RPTOR: variants seen among roughly 807,000 people sequenced by gnomAD.
RPTOR encodes the protein regulatory-associated protein of mTOR.
Under a neutral mutation model 169.9 loss-of-function variants are expected in RPTOR, and 21 were observed. That is an observed-to-expected ratio of 0.12 (90% CI 0.09 to 0.18). The LOEUF is 0.18. RPTOR is among the 10% of genes least tolerant of loss of function. RPTOR has a pLI of 1.00. For synonymous variants in RPTOR, 732 were observed against 753.2 expected (o/e 0.97, Z 0.46); for missense variants, 1,133 against 1,855.9 (o/e 0.61, Z 7.16).
At chr17:80,904,131 C>T (rs1002255193) in intron 20 of RPTOR, among the ~76,000 whole-genome samples, 5 of 152,318 alleles carry the variant, frequency 3.3e-5, no homozygotes, top group East Asian at 1.9e-4. Context: ...CCCACGGCTC[C>T]GGCCGGCCCA....
intron 4 of RPTOR, among the ~76,000 whole-genome samples, chr17:80,719,047 G>A (rs1473263853): frequency 6.6e-6 from 1 of 152,202 alleles, no homozygotes; most frequent in Non-Finnish European, 1.5e-5. Context: ...CACCAGAAGC[G>A]AGAAGAAGGA....
At chr17:80,768,067 T>G (rs1045409393) in intron 6 of RPTOR, among the ~76,000 whole-genome samples, 7 of 152,194 alleles carry the variant, frequency 4.6e-5, no homozygotes, top group African/African-American at 1.7e-4. Flanking sequence ...TTTCACCATG[T>G]TAGCCAGGAT....
At position 80,877,717 on chromosome 17, in the gene RPTOR, G is replaced by A. The variant is rs1009520593; in HGVS notation, c.1510-2698G>A. Among the ~76,000 whole-genome samples, 5 of 152,252 alleles carry A rather than the reference G, an allele frequency of 3.3e-5. No homozygotes were observed. The East Asian group carries it at 5.8e-4, about 18-fold the overall frequency. On this transcript the variant is annotated intron_variant, in intron 13 of 33. Coordinates refer to ENST00000306801, the MANE Select transcript of RPTOR (RefSeq NM_020761.3). ...CTGAGTCTTTACGTGGACGGCGGTCGATGCATCTCAGTTTATTTGTCAAAA... is the reference window on the plus strand; with the variant it reads ...CTGAGTCTTTACGTGGACGGCGGTCAATGCATCTCAGTTTATTTGTCAAAA...
intron 3 of RPTOR, among the ~76,000 whole-genome samples, chr17:80,652,649 G>T (rs2065650080): frequency 6.6e-6 from 1 of 152,152 alleles, no homozygotes; most frequent in African/African-American, 2.4e-5. Context: ...TATTTTATGG[G>T]TTCATCTGTT....
chr17:80,918,796 G>T (rs563847215), intron 21 of RPTOR, among the ~76,000 whole-genome samples: 61 of 152,294 alleles, frequency 4.0e-4, no homozygotes, highest in African/African-American at 1.4e-3. Flanking sequence ...GTGCAGCGGG[G>T]GCTCCATACA....
chr17:80,766,116 T>A (rs2066784549), intron 6 of RPTOR, among the ~76,000 whole-genome samples: 2 of 152,088 alleles, frequency 1.3e-5, no homozygotes, highest in Non-Finnish European at 2.9e-5. Context: ...AGTGCAGTGG[T>A]GTGAACACGG....
chr17:80,924,662 C>T (rs1042711497), intron 23 of RPTOR, among the ~76,000 whole-genome samples: 15 of 151,960 alleles, frequency 9.9e-5, no homozygotes, highest in African/African-American at 3.6e-4. Flanking sequence ...CCCACCCGAC[C>T]CCCCGGGGTG....
chr17:80,609,542 C>T lies in RPTOR; in HGVS notation c.163-16149C>T, dbSNP rs548484471. On this transcript the variant is annotated intron_variant, in intron 1 of 33. Coordinates refer to ENST00000306801, the MANE Select transcript of RPTOR (RefSeq NM_020761.3). The surrounding 1 kb of genome is among the most constrained non-coding windows in gnomAD (Gnocchi z 4.8). ...GGGCAGATTATTTGAAGTCATAGTT[C>T]GAGACCAGCCTGGCCAACATGGTGA... Among the ~76,000 whole-genome samples, 5 of 152,194 alleles carry T rather than the reference C, an allele frequency of 3.3e-5. No homozygotes were observed. The East Asian group carries it at 7.7e-4, about 24-fold the overall frequency.
chr17:80,964,438 G>A lies in RPTOR; in HGVS notation c.*108G>A, dbSNP rs2069398789. 34 of 1,100,772 alleles carry A rather than the reference G, an allele frequency of 3.1e-5. No individual in the cohort carries two copies. In the South Asian group the frequency reaches 4.0e-4, roughly 13 times the overall value. 68.2% of individuals were successfully genotyped at this position (1,100,772 alleles called of 1,614,324 possible). ...GCTGCGGCCCCGCAGTGTGAACGTT[G>A]GCTGCTGCCTTAGCTGCTGATGACG... On this transcript the variant is annotated 3_prime_UTR_variant, in exon 34 of 34. Transcript: ENST00000306801.
intron 1 of RPTOR, among the ~76,000 whole-genome samples, chr17:80,554,793 T>A (rs9892155): frequency 0.055 from 8,242 of 150,476 alleles, 747 homozygotes; most frequent in African/African-American, 0.19. Context: ...ACAAAAAAAA[T>A]GAGAATCCAG....
Position 80,891,754 on chromosome 17 carries a change from A to G in RPTOR, c.2018A>G (p.Gln673Arg). 2 of 1,614,044 alleles carry G rather than the reference A, an allele frequency of 1.2e-6. No individual in the cohort carries two copies. Among genetic ancestry groups the G allele is most frequent in the Non-Finnish European group, 8.5e-7 (1 of 1,179,932 alleles). ...GTGGCTCTGAGTCATCTTGTGGTTC[A>G]GTATGAAAGCAATTTCTGCACCGTG... The part of the protein sequence containing the change: ...LVVALSHLVV[Q>R]YESNFCTVAL... Residue 673 changes from glutamine to arginine, a missense_variant, in exon 18 of 34, where the codon CAG (glutamine) becomes CGG (arginine). By Grantham distance (43) the Gln-to-Arg change is conservative. Transcript: ENST00000306801.
rs748456178 is a variant in RPTOR at position 80,688,847 on chromosome 17, G to A, written c.349-18994G>A. ...TTGGGGCTGCTGCCTGGCCCAGGCCGGCGCATGTTGGAACACAGACTCTCT... is the reference window on the plus strand; with the variant it reads ...TTGGGGCTGCTGCCTGGCCCAGGCCAGCGCATGTTGGAACACAGACTCTCT... On this transcript the variant is annotated intron_variant, in intron 3 of 33. Transcript: ENST00000306801. Among the ~76,000 whole-genome samples the A allele has an allele frequency of 3.9e-5, 6 of 152,258 alleles. No homozygotes were observed. The East Asian group carries it at 1.2e-3, about 29-fold the overall frequency.
At chr17:80,950,997 C>G (rs1015163901) in intron 28 of RPTOR, among the ~76,000 whole-genome samples, 17 of 152,330 alleles carry the variant, frequency 1.1e-4, no homozygotes, top group African/African-American at 3.6e-4. Flanking sequence ...AAGGCTCGGA[C>G]CTGCCGGAAA....
intron 3 of RPTOR, among the ~76,000 whole-genome samples, chr17:80,692,988 C>T (rs1406592317): frequency 2.6e-5 from 4 of 152,302 alleles, no homozygotes; most frequent in South Asian, 2.1e-4. Flanking sequence ...CATTTATATA[C>T]GCACACACGC....
chr17:80,858,041 G>A (rs2067874306), intron 13 of RPTOR, 141 bp downstream of exon 13: 3 of 709,866 alleles, frequency 4.2e-6, no homozygotes, highest in Non-Finnish European at 7.3e-6. Flanking sequence ...CTCTTCTGGG[G>A]TAAAGTGGGA....
At chr17:80,749,888 A>C (rs1386572780) in intron 5 of RPTOR, among the ~76,000 whole-genome samples, 1 of 151,948 alleles carries the variant, frequency 6.6e-6, no homozygotes, top group African/African-American at 2.4e-5. Context: ...GATTTTAAAC[A>C]ACTTTTTGTA....
rs934387751 is a variant in RPTOR at position 80,747,911 on chromosome 17, G to A, written c.655-6099G>A. ...AAGCTTGGCACAAATGGTTGGCAGC[G>A]ATGGAGGGACTGCAGTGTTTAGAGG... On this transcript the variant is annotated intron_variant, in intron 5 of 33. Transcript: ENST00000306801. 1.1e-4 allele frequency among the ~76,000 whole-genome samples: 16 copies of A among 152,378 alleles called. 1 individual carries two copies. Among genetic ancestry groups the A allele is most frequent in the East Asian group, 1.9e-4 (1 of 5,186 alleles).
chr17:80,680,892 C>G (rs1362456669), intron 3 of RPTOR, among the ~76,000 whole-genome samples: 1 of 152,156 alleles, frequency 6.6e-6, no homozygotes, highest in East Asian at 1.9e-4. Context: ...TGGACCCTCT[C>G]TAGACCCAGC....
At chr17:80,750,328 G>A (rs1419633452) in intron 5 of RPTOR, among the ~76,000 whole-genome samples, 3 of 151,992 alleles carry the variant, frequency 2.0e-5, no homozygotes, top group South Asian at 2.1e-4. Context: ...CCATTCTTAC[G>A]TGGCCAGTGG....
Sources: allele counts gnomAD v4.1 joint callset (sites outside exome capture counted in the v4.1 genomes callset), GRCh38; gene constraint gnomAD v4.1.1; non-coding constraint Gnocchi (gnomAD v3.1); transcripts MANE v1.5; gene names NCBI Gene and HGNC (gene_info 2026-07-23, HGNC 2026-07-21).